The following DNAJB4 variants were observed in gnomAD, a reference collection of about 807,000 sequenced individuals.
The protein encoded by DNAJB4 is dnaJ homolog subfamily B member 4.
In DNAJB4, 10 loss-of-function variants were observed where a neutral mutation model predicts 26.6. That is an observed-to-expected ratio of 0.38 (90% CI 0.23 to 0.64). DNAJB4 has a LOEUF of 0.64. DNAJB4 is among the 30% of genes least tolerant of loss of function. The pLI, the probability that DNAJB4 is intolerant of heterozygous loss-of-function variation, is 0.58. For synonymous variants in DNAJB4, 136 were observed against 134.8 expected (o/e 1.01, Z -0.06); for missense variants, 328 against 408.2 (o/e 0.80, Z 1.69).
chr1:78,002,800 A>G (rs1421895241), upstream of DNAJB4, among the ~76,000 whole-genome samples: 1 of 152,274 alleles, frequency 6.6e-6, no homozygotes, highest in Middle Eastern at 3.4e-3. Context: ...TTGCTTTTCA[A>G]CTTTACAATT....
chr1:78,001,999 A>G (rs2102602181), upstream of DNAJB4, among the ~76,000 whole-genome samples: 1 of 152,350 alleles, frequency 6.6e-6, no homozygotes, highest in South Asian at 2.1e-4. Context: ...TACTAACTCA[A>G]GCTAGTTTTT....
intron 1 of DNAJB4, among the ~76,000 whole-genome samples, chr1:77,983,859 ACACTTGAGAAC>A (rs937551172): frequency 4.1e-4 from 63 of 152,214 alleles, no homozygotes; most frequent in African/African-American, 1.4e-3. Flanking sequence ...AAGTGCAGAC[ACACTTGAGAAC>A]CACTGAAATA....
chr1:77,995,532 A>G (rs1660039865), intron 1 of DNAJB4, among the ~76,000 whole-genome samples: 2 of 152,176 alleles, frequency 1.3e-5, no homozygotes, highest in South Asian at 2.1e-4. Flanking sequence ...GGCTTATTGC[A>G]GCCTCATCTC....
intron 1 of DNAJB4, among the ~76,000 whole-genome samples, chr1:77,982,816 G>A (rs1424459197): frequency 6.6e-6 from 1 of 152,156 alleles, no homozygotes; most frequent in Non-Finnish European, 1.5e-5. Flanking sequence ...AAGAAAGAAA[G>A]AAAGGTTAGC....
chr1:78,014,189 A>G (rs1221958934), intron 2 of DNAJB4, among the ~76,000 whole-genome samples: 1 of 151,568 alleles, frequency 6.6e-6, no homozygotes, highest in Non-Finnish European at 1.5e-5. Context: ...GCTCACTGCA[A>G]CCTCTGCCTC....
At chr1:77,995,651 A>C (rs1436307426) in intron 1 of DNAJB4, among the ~76,000 whole-genome samples, 1 of 152,132 alleles carries the variant, frequency 6.6e-6, no homozygotes, top group Non-Finnish European at 1.5e-5. Context: ...ACGAGGTCTC[A>C]CTATGTTGCT....
At chr1:78,014,009 T>A (rs548915653) in intron 2 of DNAJB4, among the ~76,000 whole-genome samples, 74 of 152,108 alleles carry the variant, frequency 4.9e-4, no homozygotes, top group Admixed American at 2.1e-3. Flanking sequence ...ACTACAAATT[T>A]GTATACATTT....
chr1:77,983,328 G>C (rs918511019), intron 1 of DNAJB4, among the ~76,000 whole-genome samples: 6 of 152,142 alleles, frequency 3.9e-5, no homozygotes, highest in Non-Finnish European at 7.4e-5. Context: ...CCATTGCCCA[G>C]GGATGGGCAG....
At chr1:77,979,230 A>AT, upstream of DNAJB4, 1 of 533,380 alleles carries the variant, frequency 1.9e-6, no homozygotes, top group Non-Finnish European at 3.3e-6. Flanking sequence ...CGTCGCGAGG[A>AT]TTAAGTTTAA....
chr1:78,017,788 G>T lies in DNAJB4; in HGVS notation c.*1541G>T, dbSNP rs2102619443. 3 of 146,156 alleles carry T rather than the reference G, an allele frequency of 2.1e-5. No individual in the cohort carries two copies. Among genetic ancestry groups the T allele is most frequent in the Middle Eastern group, 3.6e-3 (1 of 280 alleles). The allele number at this position is 146,156 out of a possible 1,614,324, so 9.1% of individuals were successfully genotyped here. The stretch of plus-strand genomic sequence containing the variant: ...TATGGCTTTTTTTTTTTTTGGTCTG[G>T]CCTCTTTCATTTAGCTTAATGTTTT... On this transcript the variant is annotated 3_prime_UTR_variant, in exon 3 of 3. Coordinates refer to ENST00000370763, the MANE Select transcript of DNAJB4 (RefSeq NM_007034.5).
chr1:78,007,673 ATTTG>A (rs1287794829), intron 1 of DNAJB4, among the ~76,000 whole-genome samples: 1 of 152,236 alleles, frequency 6.6e-6, no homozygotes, highest in Non-Finnish European at 1.5e-5. Flanking sequence ...AAAGTATTAT[ATTTG>A]TTTGCCGTTT....
At chr1:77,988,886 A>G (rs186990100) in intron 1 of DNAJB4, among the ~76,000 whole-genome samples, 4 of 152,346 alleles carry the variant, frequency 2.6e-5, no homozygotes, top group East Asian at 3.9e-4. Flanking sequence ...GTGCCTTGGC[A>G]TATGAAAGGT....
At chr1:78,010,261 TAACTC>T (rs1487670285) in intron 1 of DNAJB4, among the ~76,000 whole-genome samples, 1 of 152,184 alleles carries the variant, frequency 6.6e-6, no homozygotes, top group African/African-American at 2.4e-5. Context: ...CCAGTTTACT[TAACTC>T]AGTTAAATAA....
At chr1:77,988,053 T>C (rs1331413011) in intron 1 of DNAJB4, among the ~76,000 whole-genome samples, 1 of 131,820 alleles carries the variant, frequency 7.6e-6, no homozygotes, top group African/African-American at 2.8e-5. Flanking sequence ...CCAGACAGTG[T>C]CTCACTTGGT....
chr1:78,014,630 GCT>G (rs1429582044), intron 2 of DNAJB4, among the ~76,000 whole-genome samples: 3 of 151,728 alleles, frequency 2.0e-5, no homozygotes, highest in Admixed American at 6.6e-5. Flanking sequence ...ATGGAGTCTC[GCT>G]CTGTCACCCA....
intron 1 of DNAJB4, 117 bp from the exon 2 acceptor site, chr1:78,012,934 C>A: frequency 1.3e-6 from 1 of 785,726 alleles, no homozygotes; most frequent in Non-Finnish European, 1.9e-6. Context: ...GCATTTCTGG[C>A]CAATATTAAT....
chr1:78,001,126 T>C (rs1279462338), upstream of DNAJB4, among the ~76,000 whole-genome samples: 1 of 152,044 alleles, frequency 6.6e-6, no homozygotes, highest in Non-Finnish European at 1.5e-5. Flanking sequence ...AGGAGGATTG[T>C]TTGAGCTCAG....
chr1:77,994,597 TTA>T (rs1276512574), intron 1 of DNAJB4, among the ~76,000 whole-genome samples: 2 of 150,824 alleles, frequency 1.3e-5, no homozygotes, highest in African/African-American at 2.5e-5. Context: ...TTTTTTTTTT[TTA>T]ACTACTCTCA....
rs1660645856 is a variant in DNAJB4 at position 78,016,439 on chromosome 1, CCATT to C, written c.*195_*198del. On this transcript the variant is annotated 3_prime_UTR_variant, in exon 3 of 3. Transcript: ENST00000370763. Reference sequence around the variant, plus strand: ...TTACAGTTAGAGATAAAAGAGAAAACCATTCACTGTATTTTATTTCATTTCTCCT... The same window carrying C: ...TTACAGTTAGAGATAAAAGAGAAAACCACTGTATTTTATTTCATTTCTCCT... The C allele has an allele frequency of 1.8e-6, 1 of 558,994 alleles. No homozygotes were observed. Among genetic ancestry groups the C allele is most frequent in the Admixed American group, 3.4e-5 (1 of 29,040 alleles). The allele number at this position is 558,994 out of a possible 1,614,324, so 34.6% of individuals were successfully genotyped here. A position where few individuals can be genotyped will look rare whatever the true frequency, so the allele number is the denominator to read the frequency against.
Sources: allele counts gnomAD v4.1 joint callset (sites outside exome capture counted in the v4.1 genomes callset), GRCh38; gene constraint gnomAD v4.1.1; transcripts MANE v1.5; gene names NCBI Gene and HGNC (gene_info 2026-07-23, HGNC 2026-07-21).